The following GMPR variants were observed in gnomAD, a reference collection of about 807,000 sequenced individuals.
GMPR encodes the protein guanosine monophosphate reductase.
GMPR carries 31 observed loss-of-function variants against 38.4 expected under a neutral mutation model. The observed-to-expected ratio is 0.81, with a 90% CI of 0.61 to 1.09. The LOEUF is 1.09. Among genes scored for constraint, GMPR ranks in the 50% least tolerant of loss-of-function variants. GMPR has a pLI of 0.00. For synonymous variants in GMPR, 162 were observed against 173.3 expected (o/e 0.93, Z 0.51); for missense variants, 468 against 453.7 (o/e 1.03, Z -0.29).
intron 4 of GMPR, among the ~76,000 whole-genome samples, chr6:16,255,985 G>A (rs1231206870): frequency 1.3e-5 from 2 of 152,178 alleles, no homozygotes; most frequent in African/African-American, 4.8e-5. Flanking sequence ...GGAGGCCGAG[G>A]CAGGTGGATC....
intron 6 of GMPR, among the ~76,000 whole-genome samples, chr6:16,282,092 C>T (rs542525879): frequency 3.9e-5 from 6 of 152,326 alleles, no homozygotes; most frequent in Admixed American, 3.9e-4. Context: ...TTCCTTCCAG[C>T]TGTCCCATTT....
chr6:16,277,950 C>T (rs1243493526), intron 5 of GMPR, among the ~76,000 whole-genome samples: 1 of 151,922 alleles, frequency 6.6e-6, no homozygotes, highest in South Asian at 2.1e-4. Context: ...GGTGCTGTGG[C>T]GGCACCGGGA....
At chr6:16,250,428 C>T in intron 3 of GMPR, 61 bp downstream of exon 3, 3 of 934,150 alleles carry the variant, frequency 3.2e-6, no homozygotes, top group Non-Finnish European at 5.4e-6. Flanking sequence ...ATCTTCAGAG[C>T]TGTCAAGAGG....
intron 4 of GMPR, among the ~76,000 whole-genome samples, chr6:16,256,528 CAAAAAAAAAAAAAA>C (rs1006257648): frequency 1.8e-4 from 6 of 33,926 alleles, no homozygotes; most frequent in African/African-American, 3.9e-4. Context: ...GACTCTGTCT[CAAAAAAAAAAAAAA>C]AAAAAAAAAG....
At position 16,274,096 on chromosome 6, in the gene GMPR, G is replaced by A. The variant is rs146961019; in HGVS notation, c.466-319G>A. On this transcript the variant is annotated intron_variant, in intron 4 of 8. Transcript: ENST00000259727. ...CCCAAAGTACTGAGATTACAGGCGT[G>A]AGCCACCAAGCCCAGCCTCCTCTAA... Among the ~76,000 whole-genome samples, 313 of 152,294 alleles carry A rather than the reference G, an allele frequency of 2.1e-3. 2 individuals carry two copies. The highest frequency in any genetic ancestry group is 2.4e-3 in the Non-Finnish European group (165 of 68,036).
chr6:16,290,729 T>C (rs1429934800), intron 8 of GMPR, 108 bp downstream of exon 8: 2 of 906,650 alleles, frequency 2.2e-6, no homozygotes, highest in Non-Finnish European at 3.4e-6. Context: ...TAAAGTACCG[T>C]GGGAAGGGGT....
intron 4 of GMPR, among the ~76,000 whole-genome samples, chr6:16,256,670 T>C (rs1758985447): frequency 2.0e-5 from 3 of 152,214 alleles, no homozygotes; most frequent in Admixed American, 2.0e-4. Context: ...ATGATGTTTG[T>C]TGAATACTGT....
chr6:16,253,297 T>G (rs2113673964), intron 3 of GMPR, among the ~76,000 whole-genome samples: 1 of 152,376 alleles, frequency 6.6e-6, no homozygotes, highest in Non-Finnish European at 1.5e-5. Context: ...CATGCTGTAT[T>G]AGGTTGTTCT....
At chr6:16,276,760 G>A (rs1301963398) in intron 5 of GMPR, among the ~76,000 whole-genome samples, 1 of 152,114 alleles carries the variant, frequency 6.6e-6, no homozygotes, top group Non-Finnish European at 1.5e-5. Context: ...CTAAATGATA[G>A]CATTATTGGA....
At chr6:16,244,455 G>A (rs182668160) in intron 1 of GMPR, among the ~76,000 whole-genome samples, 1 of 152,116 alleles carries the variant, frequency 6.6e-6, no homozygotes, top group East Asian at 1.9e-4. Context: ...CAAGCAATCT[G>A]CCTGCCTCAG....
chr6:16,274,186 C>A (rs938584151), intron 4 of GMPR, among the ~76,000 whole-genome samples: 1 of 152,154 alleles, frequency 6.6e-6, no homozygotes, highest in African/African-American at 2.4e-5. Flanking sequence ...TCTCTAAGAT[C>A]TCTTCTAGTT....
At chr6:16,278,419 G>A (rs1364065704) in intron 5 of GMPR, among the ~76,000 whole-genome samples, 1 of 152,178 alleles carries the variant, frequency 6.6e-6, no homozygotes, top group African/African-American at 2.4e-5. Flanking sequence ...AAAGCAGAGT[G>A]TAGATTTGTA....
chr6:16,272,951 C>T (rs909419119), intron 4 of GMPR, among the ~76,000 whole-genome samples: 4 of 152,144 alleles, frequency 2.6e-5, no homozygotes, highest in African/African-American at 9.7e-5. Context: ...GCGTGAGCCA[C>T]TGCACTTGGC....
intron 4 of GMPR, chr6:16,263,322 C>T (rs1313323071): frequency 2.0e-5 from 3 of 151,924 alleles, no homozygotes; most frequent in Non-Finnish European, 4.4e-5. Flanking sequence ...CTATTTGGAA[C>T]TACTGTCGAG....
At chr6:16,239,807 G>T (rs1443828541) in intron 1 of GMPR, among the ~76,000 whole-genome samples, 1 of 152,246 alleles carries the variant, frequency 6.6e-6, no homozygotes, top group Non-Finnish European at 1.5e-5. Context: ...TTGGATTGGG[G>T]AAGCCTCCGC....
chr6:16,292,035 G>C (rs893306272), intron 8 of GMPR, among the ~76,000 whole-genome samples: 3 of 152,198 alleles, frequency 2.0e-5, no homozygotes, highest in African/African-American at 4.8e-5. Context: ...AGGAGCAAAG[G>C]TTCTCCATCT....
At chr6:16,249,166 A>ATTT (rs11292107) in intron 2 of GMPR, among the ~76,000 whole-genome samples, 17 of 96,428 alleles carry the variant, frequency 1.8e-4, no homozygotes, top group Non-Finnish European at 2.7e-4. Flanking sequence ...ACATTTTGTA[A>ATTT]TTTTTTTTTT....
intron 2 of GMPR, among the ~76,000 whole-genome samples, chr6:16,248,596 G>A (rs1351734035): frequency 6.6e-6 from 1 of 152,148 alleles, no homozygotes; most frequent in Non-Finnish European, 1.5e-5. Flanking sequence ...TAAATTATGA[G>A]CTCCCAAAAT....
At chr6:16,273,727 A>G (rs1401552308) in intron 4 of GMPR, among the ~76,000 whole-genome samples, 4 of 152,086 alleles carry the variant, frequency 2.6e-5, no homozygotes, top group African/African-American at 9.7e-5. Flanking sequence ...GCAAACTGTG[A>G]AACATTTTTT....
Sources: allele counts gnomAD v4.1 joint callset (sites outside exome capture counted in the v4.1 genomes callset), GRCh38; gene constraint gnomAD v4.1.1; transcripts MANE v1.5; gene names NCBI Gene and HGNC (gene_info 2026-07-23, HGNC 2026-07-21).